The following CLDN20 variants were observed in gnomAD, a reference collection of about 807,000 sequenced individuals.
CLDN20 encodes the protein claudin-20.
For missense variants in CLDN20, 258 were observed against 267.9 expected (o/e 0.96, Z 0.26); for synonymous variants, 104 against 103.6 (o/e 1.00, Z -0.03).
chr6:155,265,598 T>G (rs1474149681), intron 1 of CLDN20, among the ~76,000 whole-genome samples: 1 of 151,146 alleles, frequency 6.6e-6, no homozygotes, highest in Non-Finnish European at 1.5e-5. Context: ...ACTGTCATTA[T>G]TTTCAAGATT....
intron 1 of CLDN20, among the ~76,000 whole-genome samples, chr6:155,270,000 G>T (rs987488064): frequency 6.6e-6 from 1 of 152,234 alleles, no homozygotes; most frequent in African/African-American, 2.4e-5. Flanking sequence ...TACCTCAGAG[G>T]TCTTGCGCTA....
At chr6:155,268,510 T>G (rs1290146096) in intron 1 of CLDN20, among the ~76,000 whole-genome samples, 1 of 152,202 alleles carries the variant, frequency 6.6e-6, no homozygotes, top group Non-Finnish European at 1.5e-5. Flanking sequence ...AATACTCAGT[T>G]AAATTACTGA....
chr6:155,268,968 G>GAAAAAAAAAAAAAAAAAAAAAAAAAAAAA (rs1165731413), intron 1 of CLDN20, among the ~76,000 whole-genome samples: 1 of 95,024 alleles, frequency 1.1e-5, no homozygotes, highest in African/African-American at 4.2e-5. Flanking sequence ...AAAGAAAAAA[G>GAAAAAAAAAAAAAAAAAAAAAAAAAAAAA]AAAAAAAATT....
intron 1 of CLDN20, among the ~76,000 whole-genome samples, chr6:155,264,920 G>A (rs747550250): frequency 5.9e-5 from 9 of 152,164 alleles, no homozygotes; most frequent in Non-Finnish European, 1.2e-4. Flanking sequence ...AACAATTTCA[G>A]GGAGATGCAC....
At chr6:155,273,414 G>A (rs574266316) in intron 1 of CLDN20, among the ~76,000 whole-genome samples, 1 of 152,320 alleles carries the variant, frequency 6.6e-6, no homozygotes, top group South Asian at 2.1e-4. Context: ...ATCAATGTTT[G>A]TAGCTATGCA....
At chr6:155,275,491 T>G (rs1785146834) in intron 1 of CLDN20, 125 bp from the exon 2 acceptor site, 1 of 496,384 alleles carries the variant, frequency 2.0e-6, no homozygotes, top group Non-Finnish European at 3.6e-6. Flanking sequence ...GCCTACAGCA[T>G]CCTCATCTGC....
chr6:155,266,205 C>G (rs553727865), intron 1 of CLDN20, among the ~76,000 whole-genome samples: 10 of 151,978 alleles, frequency 6.6e-5, no homozygotes, highest in Non-Finnish European at 1.3e-4. Flanking sequence ...TTTTAAAATT[C>G]AGAACCCCAA....
In CLDN20 at chr6:155,276,005, T is replaced by C. The variant is rs780081259; in HGVS notation, c.286T>C (p.Cys96Arg). ...GTGTGTTCTGTCTGCTTTGGGGATC[T>C]GCACTTCCACAGTAGGAATGAAATG... ...LACVLSALGI[C>R]TSTVGMKCTR... is the part of the protein sequence containing the mutation. Residue 96 changes from cysteine (C) to arginine (R), a missense_variant, in exon 2 of 2, where the codon TGC becomes CGC. Physicochemically the swap from Cys to Arg is radical, Grantham distance 180. Transcript: ENST00000367165. 9.3e-6 allele frequency: 15 copies of C among 1,614,206 alleles called. No individual in the cohort carries two copies. In the East Asian group the frequency reaches 3.3e-4, roughly 36 times the overall value.
chr6:155,266,182 A>G (rs1398716779), intron 1 of CLDN20, among the ~76,000 whole-genome samples: 1 of 152,144 alleles, frequency 6.6e-6, no homozygotes, highest in African/African-American at 2.4e-5. Flanking sequence ...AGTGTTAACC[A>G]TCACAACATT....
chr6:155,275,013 T>G (rs1199354999), intron 1 of CLDN20, among the ~76,000 whole-genome samples: 1 of 151,436 alleles, frequency 6.6e-6, no homozygotes, highest in Non-Finnish European at 1.5e-5. Flanking sequence ...GGTCAGGAGA[T>G]CGAGACCATC....
intron 1 of CLDN20, among the ~76,000 whole-genome samples, chr6:155,269,073 A>T (rs1480272474): frequency 6.6e-6 from 1 of 151,018 alleles, no homozygotes; most frequent in African/African-American, 2.4e-5. Context: ...TGCAGGACTG[A>T]GAAGTAAATG....
chr6:155,265,531 G>A (rs1284186664), intron 1 of CLDN20, among the ~76,000 whole-genome samples: 2 of 151,340 alleles, frequency 1.3e-5, no homozygotes, highest in African/African-American at 2.4e-5. Flanking sequence ...TTAGGATTAG[G>A]TCAAATCACT....
At chr6:155,267,176 T>C (rs1784691746) in intron 1 of CLDN20, among the ~76,000 whole-genome samples, 1 of 152,090 alleles carries the variant, frequency 6.6e-6, no homozygotes, top group Non-Finnish European at 1.5e-5. Context: ...GGTTTCACCA[T>C]GTTGGCCAGG....
intron 1 of CLDN20, among the ~76,000 whole-genome samples, chr6:155,271,088 C>T (rs1459456148): frequency 6.6e-6 from 1 of 152,020 alleles, no homozygotes; most frequent in Non-Finnish European, 1.5e-5. Flanking sequence ...CAAACCAAAA[C>T]AAAAAATCCA....
Position 155,274,985 on chromosome 6 carries a change from G to A in CLDN20, c.-104-631G>A, listed in dbSNP as rs555255826. Among the ~76,000 whole-genome samples the A allele has an allele frequency of 5.9e-5, 9 of 152,276 alleles. No homozygotes were observed. In the South Asian group the frequency reaches 6.2e-4, roughly 11 times the overall value. Reference sequence around the variant, plus strand: ...TGTAATCCCAGCACTTCGGGAGGCCGAGGTGGGCGGATCACGAGGTCAGGA... The same window carrying A: ...TGTAATCCCAGCACTTCGGGAGGCCAAGGTGGGCGGATCACGAGGTCAGGA... On this transcript the variant is annotated intron_variant, in intron 1 of 1. Coordinates refer to ENST00000367165, the MANE Select transcript of CLDN20 (RefSeq NM_001001346.3).
intron 1 of CLDN20, among the ~76,000 whole-genome samples, chr6:155,269,657 G>T (rs2114694856): frequency 6.6e-6 from 1 of 152,198 alleles, no homozygotes; most frequent in East Asian, 1.9e-4. Context: ...TTATCTGCTA[G>T]GTTTGTCTTG....
At chr6:155,271,471 C>T (rs1432438429) in intron 1 of CLDN20, among the ~76,000 whole-genome samples, 1 of 152,132 alleles carries the variant, frequency 6.6e-6, no homozygotes, top group Non-Finnish European at 1.5e-5. Context: ...GCACCACACA[C>T]ACAAAAATAC....
At chr6:155,273,071 G>A (rs1785010398) in intron 1 of CLDN20, among the ~76,000 whole-genome samples, 2 of 152,176 alleles carry the variant, frequency 1.3e-5, no homozygotes, top group African/African-American at 4.8e-5. Context: ...GCTGAAAATG[G>A]TCCAGAGGCA....
chr6:155,267,281 T>G (rs1240958397), intron 1 of CLDN20, among the ~76,000 whole-genome samples: 1 of 152,206 alleles, frequency 6.6e-6, no homozygotes, highest in Non-Finnish European at 1.5e-5. Flanking sequence ...GGCCGTAGAA[T>G]ATGGTGCTTC....
Sources: gnomAD v4.1 joint callset for allele counts (sites outside exome capture counted in the v4.1 genomes callset) on GRCh38, gnomAD v4.1.1 for gene constraint, MANE v1.5 for transcripts, NCBI Gene and HGNC (gene_info 2026-07-23, HGNC 2026-07-21) for gene names.